The following PRELID2 variants were observed in gnomAD, a reference collection of about 807,000 sequenced individuals.
PRELID2 encodes PRELI domain-containing protein 2.
PRELID2 carries 25 observed loss-of-function variants against 28.4 expected under a neutral mutation model. The observed-to-expected ratio is 0.88, with a 90% CI of 0.64 to 1.23. The LOEUF (loss-of-function observed/expected upper bound fraction) is 1.23, where lower values mean the gene tolerates loss of function less well. PRELID2 is among the 50% of genes most tolerant of loss of function. The pLI, the probability that PRELID2 is intolerant of heterozygous loss-of-function variation, is 0.00. For synonymous variants in PRELID2, 76 were observed against 71.6 expected, an observed-to-expected ratio of 1.06 and a Z score of -0.31; for missense variants, 201 against 214.4, an observed-to-expected ratio of 0.94 and a Z score of 0.39.
the PRELID2 span, among the ~76,000 whole-genome samples, chr5:145,333,613 AC>A: frequency 1.3e-5 from 2 of 151,828 alleles, no homozygotes; most frequent in African/African-American, 2.4e-5. Context: ...TGGTGGACAA[AC>A]CTTTCCCTAC....
At chr5:145,411,495 C>G in the PRELID2 span, among the ~76,000 whole-genome samples, 12 of 152,322 alleles carry the variant, frequency 7.9e-5, no homozygotes, top group East Asian at 2.1e-3. Context: ...CACACTGATG[C>G]AACAATTGAG....
the PRELID2 span, among the ~76,000 whole-genome samples, chr5:145,362,628 T>G: frequency 6.6e-6 from 1 of 152,250 alleles, no homozygotes. Context: ...AAAACAAATC[T>G]TACATCTATA....
the PRELID2 span, among the ~76,000 whole-genome samples, chr5:145,413,142 TA>T: frequency 2.6e-5 from 4 of 151,816 alleles, no homozygotes; most frequent in Middle Eastern, 3.4e-3. Context: ...AAATCAGAGA[TA>T]AAAAATAATA....
intron 4 of PRELID2, among the ~76,000 whole-genome samples, chr5:145,813,634 C>A (rs907067858): frequency 4.6e-5 from 7 of 152,274 alleles, no homozygotes; most frequent in African/African-American, 1.7e-4. Flanking sequence ...TCACCTTGGG[C>A]AAGTTATTTA....
At chr5:145,298,833 C>T in the PRELID2 span, among the ~76,000 whole-genome samples, 1 of 151,964 alleles carries the variant, frequency 6.6e-6, no homozygotes, top group Non-Finnish European at 1.5e-5. Context: ...ATATATTTTA[C>T]AATGTAACAT....
intron 1 of PRELID2, among the ~76,000 whole-genome samples, chr5:145,650,901 A>G (rs541615913): frequency 6.6e-6 from 1 of 152,198 alleles, no homozygotes; most frequent in Admixed American, 6.5e-5. Flanking sequence ...GGCTTGTCAG[A>G]CAGTGGGTGC....
intron 1 of PRELID2, among the ~76,000 whole-genome samples, chr5:145,749,281 AC>A (rs1156602457): frequency 6.6e-6 from 1 of 152,198 alleles, no homozygotes; most frequent in African/African-American, 2.4e-5. Context: ...CAAGAAAAAA[AC>A]AACCCCATCA....
intron 1 of PRELID2, among the ~76,000 whole-genome samples, chr5:145,527,604 G>C (rs1334906220): frequency 6.6e-6 from 1 of 152,180 alleles, no homozygotes; most frequent in Non-Finnish European, 1.5e-5. Context: ...AATCCAGAGA[G>C]AGACAGCCAG....
At chr5:145,297,822 A>G in the PRELID2 span, among the ~76,000 whole-genome samples, 1 of 152,030 alleles carries the variant, frequency 6.6e-6, no homozygotes, top group African/African-American at 2.4e-5. Flanking sequence ...TTATACACCA[A>G]TAACAGACAA....
the PRELID2 span, among the ~76,000 whole-genome samples, chr5:145,270,286 A>AAAAT: frequency 6.6e-6 from 1 of 152,154 alleles, no homozygotes; most frequent in Non-Finnish European, 1.5e-5. Context: ...TACACTTACA[A>AAAAT]AAATATTCAT....
At chr5:145,824,363 GT>G (rs1157283223) in intron 1 of PRELID2, among the ~76,000 whole-genome samples, 5 of 151,340 alleles carry the variant, frequency 3.3e-5, no homozygotes, top group Non-Finnish European at 7.4e-5. Flanking sequence ...TGAGCTTTAA[GT>G]TTTCCGAACC....
chr5:145,793,353 T>C (rs1201416720), intron 5 of PRELID2, among the ~76,000 whole-genome samples: 1 of 152,190 alleles, frequency 6.6e-6, no homozygotes, highest in African/African-American at 2.4e-5. Context: ...TCATTACCAC[T>C]ACTAAACAGA....
At chr5:145,735,244 CAA>C (rs112613176) in intron 1 of PRELID2, among the ~76,000 whole-genome samples, 183 of 88,454 alleles carry the variant, frequency 2.1e-3, no homozygotes, top group African/African-American at 4.4e-3. Context: ...GTCTCCATCT[CAA>C]AAAAAAAAAA....
the PRELID2 span, among the ~76,000 whole-genome samples, chr5:145,267,493 T>G: frequency 1.3e-5 from 2 of 152,206 alleles, no homozygotes; most frequent in Non-Finnish European, 2.9e-5. Flanking sequence ...ACTCTCATTC[T>G]TTTTAATGGC....
intron 1 of PRELID2, among the ~76,000 whole-genome samples, chr5:145,482,738 A>G (rs1394937239): frequency 1.3e-5 from 2 of 151,938 alleles, no homozygotes; most frequent in Non-Finnish European, 2.9e-5. Flanking sequence ...TAGAATCAGT[A>G]GGAGCCCTGA....
intron 1 of PRELID2, among the ~76,000 whole-genome samples, chr5:145,537,355 G>A (rs1219034552): frequency 2.0e-5 from 3 of 151,880 alleles, no homozygotes; most frequent in Non-Finnish European, 4.4e-5. Context: ...TGGGATTGCT[G>A]GTTATATGGT....
At chr5:145,450,071 A>G in the PRELID2 span, among the ~76,000 whole-genome samples, 2 of 152,186 alleles carry the variant, frequency 1.3e-5, no homozygotes, top group Non-Finnish European at 2.9e-5. Context: ...GCTGAGAAAG[A>G]GCAGTTTAAA....
the PRELID2 span, among the ~76,000 whole-genome samples, chr5:145,270,167 TA>T: frequency 1.3e-5 from 2 of 151,546 alleles, no homozygotes; most frequent in African/African-American, 4.8e-5. Context: ...GCCACCACTT[TA>T]AAAAAAACTC....
chr5:145,521,856 A>T (rs1192277194), intron 1 of PRELID2, among the ~76,000 whole-genome samples: 1 of 152,166 alleles, frequency 6.6e-6, no homozygotes, highest in Non-Finnish European at 1.5e-5. Flanking sequence ...CACAGTCTTA[A>T]TTTACCATAT....
Sources: gnomAD v4.1 joint callset for allele counts (sites outside exome capture counted in the v4.1 genomes callset) on GRCh38, gnomAD v4.1.1 for gene constraint, MANE v1.5 for transcripts, NCBI Gene and HGNC (gene_info 2026-07-23, HGNC 2026-07-21) for gene names.